The following LRRC4C variants were observed in gnomAD, a reference collection of about 807,000 sequenced individuals.
LRRC4C encodes leucine rich repeat containing 4C.
LRRC4C carries 5 observed loss-of-function variants against 33.6 expected under a neutral mutation model. That is an observed-to-expected ratio of 0.15 (90% CI 0.08 to 0.31). The LOEUF (loss-of-function observed/expected upper bound fraction) is 0.31. Among genes scored for constraint, LRRC4C ranks in the 10% least tolerant of loss-of-function variants. The pLI is 1.00. For missense variants in LRRC4C, 560 were observed against 796.7 expected (o/e 0.70, Z 3.58); for synonymous variants, 329 against 302.0 (o/e 1.09, Z -0.93).
At chr11:41,114,660 C>T (rs1942023880) in intron 1 of LRRC4C, among the ~76,000 whole-genome samples, 1 of 152,036 alleles carries the variant, frequency 6.6e-6, no homozygotes. Context: ...TATTAATTCA[C>T]TGAAGCTGAT....
chr11:40,896,726 T>C (rs1565179624), intron 2 of LRRC4C, among the ~76,000 whole-genome samples: 2 of 151,908 alleles, frequency 1.3e-5, no homozygotes, highest in Non-Finnish European at 2.9e-5. Context: ...AAAAATAATA[T>C]AGTGACAGAA....
At chr11:41,318,227 A>C (rs1409579023) in intron 1 of LRRC4C, among the ~76,000 whole-genome samples, 1 of 152,164 alleles carries the variant, frequency 6.6e-6, no homozygotes, top group African/African-American at 2.4e-5. Context: ...TTTACAGTAG[A>C]TATTTTTAGG....
chr11:40,869,094 G>A (rs1006916225), intron 2 of LRRC4C, among the ~76,000 whole-genome samples: 7 of 151,854 alleles, frequency 4.6e-5, no homozygotes, highest in Non-Finnish European at 8.8e-5. Context: ...TTAGAAGTAA[G>A]AAAACTGAGA....
chr11:41,440,284 T>C (rs1330500443), intron 1 of LRRC4C, among the ~76,000 whole-genome samples: 1 of 152,116 alleles, frequency 6.6e-6, no homozygotes, highest in East Asian at 1.9e-4. Flanking sequence ...CTGTCCACTC[T>C]AGAGAGAATA....
chr11:41,187,498 A>G (rs569670956), intron 1 of LRRC4C, among the ~76,000 whole-genome samples: 1 of 152,102 alleles, frequency 6.6e-6, no homozygotes, highest in African/African-American at 2.4e-5. Flanking sequence ...GGGGAAAACC[A>G]CCTTCCCACT....
chr11:41,423,086 C>T (rs1455005179), intron 1 of LRRC4C, among the ~76,000 whole-genome samples: 1 of 152,030 alleles, frequency 6.6e-6, no homozygotes, highest in East Asian at 1.9e-4. Context: ...TGTAATGATA[C>T]CCAGTAATAG....
chr11:40,931,030 G>A (rs1957596326), intron 2 of LRRC4C, among the ~76,000 whole-genome samples: 1 of 152,252 alleles, frequency 6.6e-6, no homozygotes, highest in East Asian at 1.9e-4. Context: ...TAATCTGTGG[G>A]TTTTAGTAAA....
At position 41,123,580 on chromosome 11, in the gene LRRC4C, C is replaced by G. The variant is rs184472832; in HGVS notation, c.-495-189857G>C. The stretch of plus-strand genomic sequence containing the variant: ...AGCCACCGCGCCCGGCCTTTTTTTT[C>G]TTTTTTTAATAAATTCTACCACTGG... On this transcript the variant is annotated intron_variant, in intron 1 of 6. Transcript: ENST00000528697. Among the ~76,000 whole-genome samples the G allele has an allele frequency of 8.3e-3, 1,253 of 151,754 alleles. 25 individuals are homozygous for G. The highest frequency in any genetic ancestry group is 0.029 in the African/African-American group (1,185 of 41,386).
chr11:40,989,789 T>C (rs977572120), intron 1 of LRRC4C, among the ~76,000 whole-genome samples: 3 of 152,138 alleles, frequency 2.0e-5, no homozygotes, highest in Non-Finnish European at 2.9e-5. Flanking sequence ...GCATTTAATG[T>C]GTTTTAAAGG....
At chr11:41,177,526 C>T (rs1303997624) in intron 1 of LRRC4C, among the ~76,000 whole-genome samples, 1 of 152,142 alleles carries the variant, frequency 6.6e-6, no homozygotes, top group African/African-American at 2.4e-5. Flanking sequence ...TCTCACCTAT[C>T]TGCCTATGTG....
intron 1 of LRRC4C, among the ~76,000 whole-genome samples, chr11:41,304,183 C>G (rs1950389945): frequency 9.1e-6 from 1 of 109,364 alleles, no homozygotes; most frequent in African/African-American, 2.9e-5. Context: ...GGGGGGTCAG[C>G]CCCCCGCCTG....
intron 2 of LRRC4C, among the ~76,000 whole-genome samples, chr11:40,895,375 CA>C (rs762786387): frequency 4.3e-4 from 65 of 150,724 alleles, no homozygotes; most frequent in African/African-American, 1.2e-3. Flanking sequence ...ATTAAAATAC[CA>C]AAAAAAACCC....
At chr11:41,421,043 C>G (rs894915337) in intron 1 of LRRC4C, among the ~76,000 whole-genome samples, 6 of 151,938 alleles carry the variant, frequency 3.9e-5, no homozygotes, top group African/African-American at 1.4e-4. Context: ...AATATGACTT[C>G]AGGTAAGTTT....
At chr11:41,194,257 T>A (rs1166882999) in intron 1 of LRRC4C, among the ~76,000 whole-genome samples, 3 of 152,084 alleles carry the variant, frequency 2.0e-5, no homozygotes, top group Admixed American at 1.3e-4. Context: ...AGTATTTAAG[T>A]TTTTAGGTAG....
intron 2 of LRRC4C, among the ~76,000 whole-genome samples, chr11:40,683,395 A>G (rs188677704): frequency 1.5e-3 from 225 of 152,340 alleles, no homozygotes; most frequent in Admixed American, 2.5e-3. Flanking sequence ...TATAGTATTC[A>G]TATTATAATC....
At chr11:41,011,827 T>TTATATTATATTATATTATATTATAG in intron 1 of LRRC4C, among the ~76,000 whole-genome samples, 1 of 146,984 alleles carries the variant, frequency 6.8e-6, no homozygotes, top group Non-Finnish European at 1.5e-5. Context: ...ATGTTATATA[T>TTATATTATATTATATTATATTATAG]TATATTATAT....
chr11:40,641,103 A>C (rs981991507), intron 3 of LRRC4C, among the ~76,000 whole-genome samples: 1 of 152,022 alleles, frequency 6.6e-6, no homozygotes, highest in African/African-American at 2.4e-5. Flanking sequence ...TCTTCAGTTA[A>C]TATAGACTAT....
intron 1 of LRRC4C, among the ~76,000 whole-genome samples, chr11:41,159,102 T>C (rs1000523729): frequency 2.0e-5 from 3 of 152,018 alleles, no homozygotes; most frequent in Admixed American, 6.6e-5. Flanking sequence ...CAGGGCAACA[T>C]AGGGAGACCT....
At chr11:40,308,998 T>G (rs1185084047) in intron 4 of LRRC4C, among the ~76,000 whole-genome samples, 1 of 152,192 alleles carries the variant, frequency 6.6e-6, no homozygotes, top group Non-Finnish European at 1.5e-5. Context: ...TATGGAACTT[T>G]CTTTACAGCT....
Sources: allele counts gnomAD v4.1 joint callset (sites outside exome capture counted in the v4.1 genomes callset), GRCh38; gene constraint gnomAD v4.1.1; transcripts MANE v1.5; gene names NCBI Gene and HGNC (gene_info 2026-07-23, HGNC 2026-07-21).